SNTG1: variants seen among roughly 807,000 people sequenced by gnomAD.
The protein encoded by SNTG1 is gamma-1-syntrophin.
SNTG1 carries 39 observed loss-of-function variants against 74.7 expected under a neutral mutation model. The ratio of observed to expected loss-of-function variants is 0.52; its 90% confidence interval spans 0.40 to 0.68. The LOEUF is 0.68. Among genes scored for constraint, SNTG1 ranks in the 30% least tolerant of loss-of-function variants. The pLI is 0.00. For synonymous variants in SNTG1, 254 were observed against 217.1 expected, an observed-to-expected ratio of 1.17 and a Z score of -1.49; for missense variants, 685 against 609.5, an observed-to-expected ratio of 1.12 and a Z score of -1.30.
At chr8:50,409,455 T>C (rs1249418826) in intron 4 of SNTG1, among the ~76,000 whole-genome samples, 2 of 152,230 alleles carry the variant, frequency 1.3e-5, no homozygotes, top group African/African-American at 4.8e-5. Context: ...TCTGTGATCA[T>C]TTAAAAATAG....
chr8:50,703,946 T>G (rs550498035), intron 15 of SNTG1, among the ~76,000 whole-genome samples: 1 of 152,300 alleles, frequency 6.6e-6, no homozygotes, highest in African/African-American at 2.4e-5. Flanking sequence ...GTTTCATAAA[T>G]TATTTGCTTC....
At chr8:50,452,421 T>C (rs1325956464) in intron 8 of SNTG1, among the ~76,000 whole-genome samples, 4 of 152,248 alleles carry the variant, frequency 2.6e-5, no homozygotes, top group Non-Finnish European at 5.9e-5. Context: ...CTTGACTCTT[T>C]TTTCAAAAGT....
chr8:50,018,206 A>G (rs931229899), intron 1 of SNTG1, among the ~76,000 whole-genome samples: 1 of 152,038 alleles, frequency 6.6e-6, no homozygotes. Flanking sequence ...TCAGAATAGT[A>G]AAAACAAGCT....
At chr8:49,934,029 A>G (rs1298818524) in intron 1 of SNTG1, among the ~76,000 whole-genome samples, 2 of 152,214 alleles carry the variant, frequency 1.3e-5, no homozygotes, top group Non-Finnish European at 2.9e-5. Context: ...AACAGAAATT[A>G]AATACTCTGA....
intron 8 of SNTG1, among the ~76,000 whole-genome samples, chr8:50,468,156 T>C (rs1157919539): frequency 6.6e-6 from 1 of 152,064 alleles, no homozygotes; most frequent in Admixed American, 6.5e-5. Context: ...ATAACAATAG[T>C]ACTGTTCAGT....
chr8:50,474,268 C>T (rs1436010755), intron 8 of SNTG1, among the ~76,000 whole-genome samples: 1 of 151,688 alleles, frequency 6.6e-6, no homozygotes, highest in Non-Finnish European at 1.5e-5. Context: ...CAAAAGAAAC[C>T]ACCATCAGAG....
intron 1 of SNTG1, among the ~76,000 whole-genome samples, chr8:50,114,309 T>A (rs993640768): frequency 6.6e-6 from 1 of 152,280 alleles, no homozygotes; most frequent in Non-Finnish European, 1.5e-5. Context: ...AAAGAATGTA[T>A]CTCATTGCTA....
intron 1 of SNTG1, among the ~76,000 whole-genome samples, chr8:50,121,925 C>T (rs2081009402): frequency 7.0e-6 from 1 of 142,072 alleles, no homozygotes; most frequent in Non-Finnish European, 1.6e-5. Context: ...AAATACAAAT[C>T]TTAAGTTTTC....
At chr8:50,164,280 GCA>G in intron 1 of SNTG1, 1 of 152,120 alleles carries the variant, frequency 6.6e-6, no homozygotes. Context: ...ACAGCGTGAT[GCA>G]CAGTTACAAA....
chr8:50,332,372 G>C (rs115555445), intron 2 of SNTG1, among the ~76,000 whole-genome samples: 1 of 151,724 alleles, frequency 6.6e-6, no homozygotes, highest in Non-Finnish European at 1.5e-5. Context: ...GTGTGCCCTC[G>C]TGTACATCCA....
chr8:50,276,107 T>C (rs1425194048), intron 2 of SNTG1, among the ~76,000 whole-genome samples: 1 of 152,162 alleles, frequency 6.6e-6, no homozygotes, highest in Non-Finnish European at 1.5e-5. Flanking sequence ...CAGAGACATC[T>C]AGAAGCATAA....
intron 1 of SNTG1, among the ~76,000 whole-genome samples, chr8:50,158,399 C>A (rs1489845511): frequency 1.3e-5 from 2 of 152,070 alleles, no homozygotes; most frequent in Non-Finnish European, 2.9e-5. Flanking sequence ...AGGAAGATGA[C>A]CATCAGAGAG....
intron 2 of SNTG1, among the ~76,000 whole-genome samples, chr8:50,176,822 T>A (rs1394245588): frequency 6.6e-6 from 1 of 152,212 alleles, no homozygotes; most frequent in Non-Finnish European, 1.5e-5. Flanking sequence ...CACTTAAAAA[T>A]AGTCCCTTTT....
intron 13 of SNTG1, among the ~76,000 whole-genome samples, chr8:50,645,303 TC>T (rs2095101312): frequency 6.6e-6 from 1 of 152,068 alleles, no homozygotes; most frequent in Non-Finnish European, 1.5e-5. Flanking sequence ...TTTTAGTTTT[TC>T]TATTTTTTAT....
At chr8:50,543,189 T>A (rs2094361032) in intron 11 of SNTG1, among the ~76,000 whole-genome samples, 1 of 152,218 alleles carries the variant, frequency 6.6e-6, no homozygotes. Context: ...AGTGTCTTCT[T>A]CCAGCAGTTT....
intron 1 of SNTG1, among the ~76,000 whole-genome samples, chr8:49,938,603 T>TTTTCTTTTTTTTTTTCTTTTTTTC: frequency 1.3e-5 from 1 of 74,754 alleles, no homozygotes; most frequent in Non-Finnish European, 2.7e-5. Context: ...TTTTCTTTTC[T>TTTTCTTTTTTTTTTTCTTTTTTTC]TTTCTTTCTT....
At chr8:50,130,770 A>G (rs900141560) in intron 1 of SNTG1, among the ~76,000 whole-genome samples, 19 of 152,128 alleles carry the variant, frequency 1.2e-4, no homozygotes, top group African/African-American at 4.3e-4. Flanking sequence ...ATTATTAAAC[A>G]TTTGGGTAAA....
At chr8:50,301,613 GCTTAT>G (rs771124049) in intron 2 of SNTG1, among the ~76,000 whole-genome samples, 19 of 151,962 alleles carry the variant, frequency 1.3e-4, no homozygotes, top group East Asian at 7.8e-4. Flanking sequence ...CTATTTTTAA[GCTTAT>G]CTTATTTTTT....
At chr8:50,488,632 T>C (rs1022352740) in intron 8 of SNTG1, among the ~76,000 whole-genome samples, 1 of 152,112 alleles carries the variant, frequency 6.6e-6, no homozygotes, top group Non-Finnish European at 1.5e-5. Flanking sequence ...TCCTCCATCA[T>C]CTGTTCCTGC....
Sources: allele counts gnomAD v4.1 joint callset (sites outside exome capture counted in the v4.1 genomes callset), GRCh38; gene constraint gnomAD v4.1.1; transcripts MANE v1.5; gene names NCBI Gene and HGNC (gene_info 2026-07-23, HGNC 2026-07-21).